RYR2: variants seen among roughly 807,000 people sequenced by gnomAD.
RYR2 encodes cardiac muscle ryanodine receptor-calcium release channel.
RYR2 carries 227 observed loss-of-function variants against 601.1 expected under a neutral mutation model. The observed-to-expected ratio is 0.38, with a 90% confidence interval of 0.34 to 0.42. RYR2 has a LOEUF of 0.42. RYR2 is among the 10% of genes least tolerant of loss of function. The pLI is 1.00. For missense variants in RYR2, 4,646 were observed against 6,156.5 expected (o/e 0.75, Z 8.21); for synonymous variants, 2,223 against 2,175.1 (o/e 1.02, Z -0.61).
intron 85 of RYR2, among the ~76,000 whole-genome samples, chr1:237,771,459 TTATAGAGTAA>T (rs1182135801): frequency 6.6e-6 from 1 of 151,864 alleles, no homozygotes; most frequent in Non-Finnish European, 1.5e-5. Context: ...ATATAAATAG[TTATAGAGTAA>T]TATAGAGTAT....
chr1:237,601,757 G>A (rs937242649), intron 34 of RYR2, among the ~76,000 whole-genome samples: 2 of 152,042 alleles, frequency 1.3e-5, no homozygotes, highest in Admixed American at 1.3e-4. Flanking sequence ...AAAAGAAAAT[G>A]GAAAAAGTTA....
intron 1 of RYR2, among the ~76,000 whole-genome samples, chr1:237,259,153 TAA>T (rs1230931213): frequency 6.6e-6 from 1 of 152,072 alleles, no homozygotes; most frequent in African/African-American, 2.4e-5. Flanking sequence ...AACTTTTGCA[TAA>T]GAGTCATCAG....
At position 237,705,307 on chromosome 1, in the gene RYR2, T is replaced by C; in HGVS notation, c.9544T>C (p.Ser3182Pro). The C allele has an allele frequency of 6.2e-7, 1 of 1,604,892 alleles. No homozygotes were observed. The highest frequency in any genetic ancestry group is 8.5e-7 in the Non-Finnish European group (1 of 1,174,794). The change falls in exon 67 of 105, where the codon TCC becomes CCC. Residue 3182 changes from serine to proline, a missense_variant. This residue lies in a region of RYR2 where 1,497 missense variants were observed against 1,842.6 expected (regional missense o/e 0.81). Coordinates refer to ENST00000366574, the MANE Select transcript of RYR2 (RefSeq NM_001035.3). ...TCATCTGGACAAACATAATATTTACTCCATCTACAATACCAAGTCTTCACG... is the reference window on the plus strand; with the variant it reads ...TCATCTGGACAAACATAATATTTACCCCATCTACAATACCAAGTCTTCACG... ...ETHLDKHNIY[S>P]IYNTKSSRER... is the part of the protein sequence containing the mutation.
intron 14 of RYR2, among the ~76,000 whole-genome samples, chr1:237,445,808 T>C (rs1278332397): frequency 1.3e-5 from 2 of 152,012 alleles, no homozygotes; most frequent in African/African-American, 4.8e-5. Flanking sequence ...CCTATTTAGT[T>C]CCTTTTTCTT....
intron 98 of RYR2, among the ~76,000 whole-genome samples, chr1:237,802,902 G>T (rs902737643): frequency 1.3e-5 from 2 of 152,208 alleles, no homozygotes; most frequent in African/African-American, 4.8e-5. Flanking sequence ...GGCATGGATA[G>T]ATCCAGGATG....
rs57828601 is a variant in RYR2 at position 237,369,850 on chromosome 1, TAG to T, written c.384+245_384+246del. 0.015 allele frequency among the ~76,000 whole-genome samples: 2,336 copies of T among 152,306 alleles called. 62 individuals are homozygous for T. The highest frequency in any genetic ancestry group is 0.053 in the African/African-American group (2,219 of 41,566). ...ACCATCTTCAGTATCTTACTTTTGA[TAG>T]AGTAGTTTTAGGAGGAGAGAGGTGT... On this transcript the variant is annotated intron_variant, in intron 6 of 104. Transcript: ENST00000366574.
At chr1:237,536,870 A>T (rs973828213) in intron 25 of RYR2, among the ~76,000 whole-genome samples, 7 of 151,048 alleles carry the variant, frequency 4.6e-5, no homozygotes, top group Non-Finnish European at 1.0e-4. Context: ...TGGGCGACAG[A>T]GCGAGACTCC....
At chr1:237,710,114 G>A (rs958276436) in intron 70 of RYR2, among the ~76,000 whole-genome samples, 2 of 152,104 alleles carry the variant, frequency 1.3e-5, no homozygotes, top group Non-Finnish European at 2.9e-5. Flanking sequence ...ACTATTTTGT[G>A]TATTGCAAGT....
At chr1:237,372,910 C>G (rs572038808) in intron 6 of RYR2, among the ~76,000 whole-genome samples, 1 of 152,216 alleles carries the variant, frequency 6.6e-6, no homozygotes, top group African/African-American at 2.4e-5. Flanking sequence ...TGAATAAGAC[C>G]AAGTTCTTGC....
intron 63 of RYR2, among the ~76,000 whole-genome samples, chr1:237,692,292 C>T (rs145462637): frequency 6.7e-4 from 102 of 152,288 alleles, no homozygotes; most frequent in African/African-American, 2.3e-3. Context: ...CTTTCCACTC[C>T]GGAACCCAGA....
At chr1:237,308,055 C>T (rs968871170) in intron 2 of RYR2, among the ~76,000 whole-genome samples, 11 of 122,800 alleles carry the variant, frequency 9.0e-5, no homozygotes, top group Admixed American at 1.7e-4. Flanking sequence ...GAACTTGCTG[C>T]GCTGCATTCT....
chr1:237,591,741 T>A lies in RYR2; in HGVS notation c.4163T>A (p.Phe1388Tyr). 6.2e-7 allele frequency: 1 copy of A among 1,611,292 alleles called. No homozygotes were observed. Among genetic ancestry groups the A allele is most frequent in the Non-Finnish European group, 8.5e-7 (1 of 1,178,236 alleles). The stretch of plus-strand genomic sequence containing the variant: ...GTTAGTCCTCTGAAATATTTCAGAT[T>A]TTTGCTTAGAAGAACAAAGCCAGAT... Reference protein sequence around the residue: ...QEKPSRLKQRFLLRRTKPDYS... With the variant: ...QEKPSRLKQRYLLRRTKPDYS... Residue 1388 changes from phenylalanine (F) to tyrosine (Y), a missense_variant and splice_region_variant, in exon 32 of 105, where the codon TTT (phenylalanine) becomes TAT (tyrosine). By Grantham distance (22) the Phe-to-Tyr change is conservative (BLOSUM62 3). Around this residue, in one of 17 missense-constraint regions of RYR2, gnomAD observed 1,807 missense variants for 2,088.1 expected, o/e 0.87. Transcript: ENST00000366574.
At chr1:237,453,908 G>A (rs1289940542) in intron 14 of RYR2, among the ~76,000 whole-genome samples, 1 of 152,104 alleles carries the variant, frequency 6.6e-6, no homozygotes, top group Non-Finnish European at 1.5e-5. Flanking sequence ...CGTTTCATAA[G>A]CAGATTTTCT....
At chr1:237,051,691 G>A (rs559261597) in intron 1 of RYR2, among the ~76,000 whole-genome samples, 1 of 152,144 alleles carries the variant, frequency 6.6e-6, no homozygotes, top group African/African-American at 2.4e-5. Context: ...TCTGTTCTAA[G>A]CATTGCATGT....
At chr1:237,307,135 GGAT>G (rs908953543) in intron 2 of RYR2, among the ~76,000 whole-genome samples, 56 of 150,886 alleles carry the variant, frequency 3.7e-4, no homozygotes, top group African/African-American at 1.3e-3. Flanking sequence ...AAAAGCTCTA[GGAT>G]GATAATGTCA....
chr1:237,552,708 C>A (rs893902639), intron 27 of RYR2, among the ~76,000 whole-genome samples: 8 of 151,758 alleles, frequency 5.3e-5, no homozygotes, highest in Non-Finnish European at 7.4e-5. Flanking sequence ...TTATGTATAT[C>A]ACAAAATCTA....
chr1:237,503,440 C>T lies in RYR2; in HGVS notation c.2548C>T (p.Leu850=), dbSNP rs1664874963. 2 of 1,613,986 alleles carry T rather than the reference C, an allele frequency of 1.2e-6. No homozygotes were observed. The highest frequency in any genetic ancestry group is 1.7e-6 in the Non-Finnish European group (2 of 1,179,900). The change falls in exon 22 of 105, where the codon CTG becomes TTG. Residue 850 remains leucine, a synonymous_variant. Coordinates refer to ENST00000366574, the MANE Select transcript of RYR2 (RefSeq NM_001035.3). ...GCAAGAAAGAACTTACACACGCGAC[C>T]TGCTGGGCCCCACAGTTTCCCTGAC... ...YKQERTYTRD[L]LGPTVSLTQA...
At chr1:237,546,747 A>G (rs951472096) in intron 25 of RYR2, among the ~76,000 whole-genome samples, 1 of 152,038 alleles carries the variant, frequency 6.6e-6, no homozygotes, top group East Asian at 1.9e-4. Flanking sequence ...AGCTAAAGCC[A>G]TCTGTATTCA....
chr1:237,664,148 C>T (rs1684065518), intron 56 of RYR2, among the ~76,000 whole-genome samples: 1 of 152,070 alleles, frequency 6.6e-6, no homozygotes, highest in South Asian at 2.1e-4. Flanking sequence ...CTATTTAAAA[C>T]AAATGAAAAA....
Sources: allele counts gnomAD v4.1 joint callset (sites outside exome capture counted in the v4.1 genomes callset), GRCh38; gene constraint gnomAD v4.1.1; regional missense constraint gnomAD v4.1.1; transcripts MANE v1.5; gene names NCBI Gene and HGNC (gene_info 2026-07-23, HGNC 2026-07-21).